ZNF131: variants seen among roughly 807,000 people sequenced by gnomAD.
The protein encoded by ZNF131 is zinc finger and BTB domain containing 35.
Under a neutral mutation model 60.0 loss-of-function variants are expected in ZNF131, and 7 were observed. The ratio of observed to expected loss-of-function variants is 0.12; its 90% CI spans 0.07 to 0.22. The LOEUF is 0.22. Ranked by LOEUF, ZNF131 falls within the 10% of genes least tolerant of loss-of-function variation. ZNF131 has a pLI of 1.00. For synonymous variants in ZNF131, 257 were observed against 253.2 expected, an observed-to-expected ratio of 1.01 and a Z score of -0.14; for missense variants, 493 against 740.9, an observed-to-expected ratio of 0.67 and a Z score of 3.88.
chr5:43,123,123 T>C, intron 2 of ZNF131, 86 bp from the exon 3 acceptor site: 1 of 1,041,318 alleles, frequency 9.6e-7, no homozygotes, highest in Middle Eastern at 3.0e-4. Context: ...TATTTTGCTT[T>C]ATATGATTTT....
chr5:43,163,744 G>C (rs1374646924), intron 5 of ZNF131, among the ~76,000 whole-genome samples: 6 of 152,228 alleles, frequency 3.9e-5, no homozygotes, highest in Non-Finnish European at 8.8e-5. Context: ...TTTGTTATAT[G>C]TGGTGGTTAA....
intron 4 of ZNF131, among the ~76,000 whole-genome samples, chr5:43,146,997 A>T (rs910822367): frequency 6.6e-6 from 1 of 152,106 alleles, no homozygotes; most frequent in African/African-American, 2.4e-5. Context: ...TTGTCTCATG[A>T]TTGTTTGCAG....
intron 4 of ZNF131, among the ~76,000 whole-genome samples, chr5:43,139,803 C>T (rs1746570323): frequency 6.6e-6 from 1 of 152,138 alleles, no homozygotes; most frequent in Admixed American, 6.6e-5. Context: ...GCTCTAAGTG[C>T]ACCTAGTTCA....
At chr5:43,154,209 T>G (rs539705026) in intron 4 of ZNF131, among the ~76,000 whole-genome samples, 2 of 152,142 alleles carry the variant, frequency 1.3e-5, no homozygotes, top group Non-Finnish European at 2.9e-5. Flanking sequence ...GTCAGGAGTT[T>G]GAGACCAGTC....
intron 5 of ZNF131, among the ~76,000 whole-genome samples, chr5:43,169,697 T>C (rs545284877): frequency 6.6e-6 from 1 of 152,352 alleles, no homozygotes; most frequent in East Asian, 1.9e-4. Flanking sequence ...TTACAGACTA[T>C]GCTGTAGTAA....
rs1751559564 is a variant in ZNF131, at chr5:43,176,259, T to C, written c.*1126T>C. ...ATAACAAACCCATAGACCAATATGCTATTTTTTTTACCTGTTAAATATTGG... is the reference window on the plus strand; with the variant it reads ...ATAACAAACCCATAGACCAATATGCCATTTTTTTTACCTGTTAAATATTGG... On this transcript the variant is annotated 3_prime_UTR_variant, in exon 7 of 7. Transcript: ENST00000682664. 6.6e-6 allele frequency: 1 copy of C among 152,132 alleles called. No individual in the cohort carries two copies. The highest frequency in any genetic ancestry group is 2.1e-4 in the South Asian group (1 of 4,832). The allele number at this position is 152,132 out of a possible 1,614,324, so 9.4% of individuals were successfully genotyped here.
chr5:43,158,934 T>C (rs1368843409), intron 4 of ZNF131, among the ~76,000 whole-genome samples: 1 of 152,104 alleles, frequency 6.6e-6, no homozygotes, highest in Non-Finnish European at 1.5e-5. Context: ...GCCTACAAGT[T>C]TTCCTGCCAC....
intron 5 of ZNF131, among the ~76,000 whole-genome samples, chr5:43,169,095 G>C (rs1750680545): frequency 6.6e-6 from 1 of 152,176 alleles, no homozygotes; most frequent in Admixed American, 6.5e-5. Context: ...TGGAATCATA[G>C]AGGGAATGTG....
At chr5:43,158,642 A>G (rs544439582) in intron 4 of ZNF131, among the ~76,000 whole-genome samples, 2 of 152,334 alleles carry the variant, frequency 1.3e-5, no homozygotes, top group Admixed American at 6.5e-5. Context: ...AATAAGGCCT[A>G]TTCACAGATA....
At chr5:43,123,097 G>C (rs1453403437) in intron 2 of ZNF131, 112 bp from the exon 3 acceptor site, 2 of 710,340 alleles carry the variant, frequency 2.8e-6, no homozygotes, top group Middle Eastern at 4.0e-4. Context: ...CTGTAGTTAC[G>C]TAATGAAGGA....
chr5:43,162,253 T>C (rs566276287), intron 5 of ZNF131, among the ~76,000 whole-genome samples: 2 of 152,260 alleles, frequency 1.3e-5, no homozygotes, highest in Non-Finnish European at 2.9e-5. Context: ...TTACCATTTC[T>C]ATTTTTACAT....
intron 3 of ZNF131, among the ~76,000 whole-genome samples, chr5:43,136,006 T>C (rs950831927): frequency 4.6e-5 from 7 of 152,148 alleles, no homozygotes; most frequent in African/African-American, 1.7e-4. Context: ...TCCCAGCTAC[T>C]TGGGAGGCTG....
chr5:43,139,174 A>G lies in ZNF131; in HGVS notation c.236A>G (p.Lys79Arg). 1 of 1,598,004 alleles carries G rather than the reference A, an allele frequency of 6.3e-7. No individual in the cohort carries two copies. Among genetic ancestry groups the G allele is most frequent in the Non-Finnish European group, 8.5e-7 (1 of 1,173,272 alleles). ...EPLVEIEGVSKMAFRHLIEFT... is the reference protein window; with the variant it reads ...EPLVEIEGVSRMAFRHLIEFT... ...TACATCTTCTTTACAGGTGTTAGTA[A>G]AATGGCCTTTCGCCATTTAATTGAG... is the stretch of plus-strand genomic sequence containing the variant. Residue 79 changes from lysine (K) to arginine (R), a missense_variant, in exon 4 of 7, where the codon AAA becomes AGA. Lys to Arg is a conservative substitution (Grantham distance 26). Transcript: ENST00000682664.
chr5:43,173,219 A>T, intron 5 of ZNF131, 99 bp from the exon 6 acceptor site: 1 of 1,177,558 alleles, frequency 8.5e-7, no homozygotes, highest in Non-Finnish European at 1.1e-6. Context: ...TTAGGAATTT[A>T]GTATTAAAAT....
At chr5:43,164,214 C>T (rs1750088012) in intron 5 of ZNF131, among the ~76,000 whole-genome samples, 1 of 152,130 alleles carries the variant, frequency 6.6e-6, no homozygotes, top group Non-Finnish European at 1.5e-5. Flanking sequence ...ATAGTATTCC[C>T]AGGATGCAAA....
At chr5:43,121,530 T>A (rs1743801746) in intron 1 of ZNF131, 1 of 152,152 alleles carries the variant, frequency 6.6e-6, no homozygotes, top group Non-Finnish European at 1.5e-5. Flanking sequence ...TGCGTCGACG[T>A]AAGTGACGCG....
intron 6 of ZNF131, 124 bp downstream of exon 6, chr5:43,173,572 A>T (rs902917374): frequency 1.6e-6 from 2 of 1,235,074 alleles, no homozygotes; most frequent in African/African-American, 3.0e-5. Flanking sequence ...AGAAATGAGA[A>T]TAAAGAACAT....
intron 4 of ZNF131, among the ~76,000 whole-genome samples, 187 bp from the exon 5 acceptor site, chr5:43,161,062 C>G (rs1749634516): frequency 6.6e-6 from 1 of 152,108 alleles, no homozygotes; most frequent in South Asian, 2.1e-4. Context: ...ATCTTCGTGT[C>G]TATGCTTTCA....
intron 4 of ZNF131, among the ~76,000 whole-genome samples, chr5:43,144,266 T>TTC (rs1747294385): frequency 1.5e-5 from 1 of 68,872 alleles, no homozygotes; most frequent in Admixed American, 1.8e-4. Context: ...TTTTTTTTTT[T>TTC]TGGAGACAGA....
Sources: allele counts gnomAD v4.1 joint callset (sites outside exome capture counted in the v4.1 genomes callset), GRCh38; gene constraint gnomAD v4.1.1; transcripts MANE v1.5; gene names NCBI Gene and HGNC (gene_info 2026-07-23, HGNC 2026-07-21).